The following ARHGEF19 variants were observed in gnomAD, a reference collection of about 807,000 sequenced individuals.
ARHGEF19 encodes Rho guanine nucleotide exchange factor 19, also known as Rho guanine nucleotide exchange factor (GEF) 19.
In ARHGEF19, 92 loss-of-function variants were observed where a neutral mutation model predicts 87.6. The observed-to-expected ratio is 1.05, with a 90% CI of 0.89 to 1.25. The LOEUF is 1.25. Among genes scored for constraint, ARHGEF19 ranks in the 50% most tolerant of loss-of-function variants. The probability of loss-of-function intolerance (pLI) is 0.00; values close to 1 mark genes in which losing one functional copy is unlikely to be tolerated. For synonymous variants in ARHGEF19, 438 were observed against 446.2 expected (o/e 0.98, Z 0.23); for missense variants, 1,054 against 1,051.8 (o/e 1.00, Z -0.03).
At chr1:16,211,794 A>G (rs1271635455) in intron 1 of ARHGEF19, among the ~76,000 whole-genome samples, 4 of 152,166 alleles carry the variant, frequency 2.6e-5, no homozygotes, top group Non-Finnish European at 5.9e-5. Context: ...AAAACAAACA[A>G]AAACCTCAGA....
Position 16,198,804 on chromosome 1 carries a change from G to A in ARHGEF19, c.2252-60C>T. 6.5e-7 allele frequency: 1 copy of A among 1,534,490 alleles called. No homozygotes were observed. The highest frequency in any genetic ancestry group is 8.8e-7 in the Non-Finnish European group (1 of 1,137,562). ...AGGGGTACCAGGGCCAGGCCTGGAA[G>A]GGAACACCACAGCCCTGATGCAAGC... On this transcript the variant is annotated intron_variant, in intron 15 of 15. Coordinates refer to ENST00000270747, the MANE Select transcript of ARHGEF19 (RefSeq NM_153213.5). This position sits in a 1 kb window ranked among gnomAD's most constrained non-coding sequence, Gnocchi z 4.1.
chr1:16,208,930 G>C lies in ARHGEF19; in HGVS notation c.125C>G (p.Pro42Arg). 1.9e-6 allele frequency: 3 copies of C among 1,584,450 alleles called. No individual in the cohort carries two copies. The highest frequency in any genetic ancestry group is 2.6e-6 in the Non-Finnish European group (3 of 1,166,758). The stretch of plus-strand genomic sequence containing the variant: ...AAGGTCCAGACACACTGGGCTCGGG[G>C]GCTTCAGGGCGGGCAGCTCTGCAAA... ...LSFAELPALK[P>R]PSPVCLDLFP... Residue 42 changes from proline (P) to arginine (R), a missense_variant, in exon 2 of 16, where the codon CCC becomes CGC. Physicochemically the swap from Pro to Arg is moderately radical, Grantham distance 103. Transcript: ENST00000270747.
At position 16,207,214 on chromosome 1, in the gene ARHGEF19, G is replaced by A. The variant is rs1160945460; in HGVS notation, c.875-4C>T. ...CTGTATTCCTGATAGAGGACGGCTGGGGGAAAGACGGGCGGGGGAGAGCGT... is the reference window on the plus strand; with the variant it reads ...CTGTATTCCTGATAGAGGACGGCTGAGGGAAAGACGGGCGGGGGAGAGCGT... On this transcript the variant is annotated splice_polypyrimidine_tract_variant and splice_region_variant and intron_variant, in intron 5 of 15. Transcript: ENST00000270747. The surrounding 1 kb of genome is among the most constrained non-coding windows in gnomAD (Gnocchi z 4.0). The A allele has an allele frequency of 6.6e-7, 1 of 1,510,952 alleles. No individual in the cohort carries two copies. The highest frequency in any genetic ancestry group is 8.8e-7 in the Non-Finnish European group (1 of 1,134,898). 93.6% of individuals were successfully genotyped at this position (1,510,952 alleles called of 1,614,324 possible). A position where few individuals can be genotyped will look rare whatever the true frequency, so the allele number is the denominator to read the frequency against.
In ARHGEF19 at chr1:16,205,296, T is replaced by C; in HGVS notation, c.1656+55A>G. 6.2e-7 allele frequency: 1 copy of C among 1,611,804 alleles called. No homozygotes were observed. The highest frequency in any genetic ancestry group is 2.2e-5 in the East Asian group (1 of 44,850). The stretch of plus-strand genomic sequence containing the variant: ...GCTGGGGGCTGTTTTAGAGACGTGC[T>C]GGGGGTCCAGGGGGGGCCTCAGGAG... On this transcript the variant is annotated intron_variant, in intron 10 of 15. Coordinates refer to ENST00000270747, the MANE Select transcript of ARHGEF19 (RefSeq NM_153213.5). The surrounding 1 kb of genome is among the most constrained non-coding windows in gnomAD (Gnocchi z 5.8).
At position 16,198,577 on chromosome 1, in the gene ARHGEF19, T is replaced by C; in HGVS notation, c.*10A>G. 4 of 1,599,954 alleles carry C rather than the reference T, an allele frequency of 2.5e-6. No homozygotes were observed. Among genetic ancestry groups the C allele is most frequent in the African/African-American group, 1.3e-5 (1 of 74,946 alleles). On this transcript the variant is annotated 3_prime_UTR_variant, in exon 16 of 16. Transcript: ENST00000270747. This position sits in a 1 kb window ranked among gnomAD's most constrained non-coding sequence, Gnocchi z 4.1. ...GGCATGGAGGTGGGGTCCTAGGCCA[T>C]GGCTGCCCATCACACAGGAGCCTCC...
chr1:16,206,485 C>G lies in ARHGEF19; in HGVS notation c.1138-145G>C. The G allele has an allele frequency of 1.2e-6, 1 of 832,364 alleles. No individual in the cohort carries two copies. Among genetic ancestry groups the G allele is most frequent in the Non-Finnish European group, 1.9e-6 (1 of 525,472 alleles). The allele number at this position is 832,364 out of a possible 1,614,324, so 51.6% of individuals were successfully genotyped here. A position where few individuals can be genotyped will look rare whatever the true frequency, so the allele number is the denominator to read the frequency against. On this transcript the variant is annotated intron_variant, in intron 6 of 15. Coordinates refer to ENST00000270747, the MANE Select transcript of ARHGEF19 (RefSeq NM_153213.5). The surrounding 1 kb of genome is among the most constrained non-coding windows in gnomAD (Gnocchi z 4.6). ...CTCCTAATCTGGCGCCGGGCGGGCC[C>G]GGCGACCCACGTCCCGCCGCGGGAA...
rs922605268 is a variant in ARHGEF19 at position 16,207,462 on chromosome 1, G to T, written c.874+60C>A. ...CAACTCTCCAAACCCTCTTTTCCCC[G>T]TTTCCACACCGCAGCCCCTTCCTCC... On this transcript the variant is annotated intron_variant, in intron 5 of 15. Transcript: ENST00000270747. The surrounding 1 kb of genome is among the most constrained non-coding windows in gnomAD (Gnocchi z 4.0). 2 of 1,593,332 alleles carry T rather than the reference G, an allele frequency of 1.3e-6. No individual in the cohort carries two copies. The highest frequency in any genetic ancestry group is 2.7e-5 in the African/African-American group (2 of 74,390).
At chr1:16,212,156 G>A (rs953043599) in intron 1 of ARHGEF19, among the ~76,000 whole-genome samples, 4 of 152,202 alleles carry the variant, frequency 2.6e-5, no homozygotes, top group African/African-American at 9.7e-5. Context: ...AAGACGATGG[G>A]CCCACTTAGC....
In ARHGEF19 at chr1:16,206,728, C is replaced by A. The variant is rs914224545; in HGVS notation, c.1137+220G>T. Reference sequence around the variant, plus strand: ...CCGCTGGCTCCGCCCCCTACCCGCACCCAAGCCCGGCTCCCCTCGCCTCTC... The same window carrying A: ...CCGCTGGCTCCGCCCCCTACCCGCAACCAAGCCCGGCTCCCCTCGCCTCTC... On this transcript the variant is annotated intron_variant, in intron 6 of 15. Coordinates refer to ENST00000270747, the MANE Select transcript of ARHGEF19 (RefSeq NM_153213.5). The surrounding 1 kb of genome is among the most constrained non-coding windows in gnomAD (Gnocchi z 4.6). Among the ~76,000 whole-genome samples, 1 of 152,000 alleles carries A rather than the reference C, an allele frequency of 6.6e-6. No homozygotes were observed. Among genetic ancestry groups the A allele is most frequent in the Admixed American group, 6.5e-5 (1 of 15,272 alleles).
rs1482516851 is a variant in ARHGEF19 at position 16,206,607 on chromosome 1, C to T, written c.1138-267G>A. On this transcript the variant is annotated intron_variant, in intron 6 of 15. Transcript: ENST00000270747. This position sits in a 1 kb window ranked among gnomAD's most constrained non-coding sequence, Gnocchi z 4.6. Reference sequence around the variant, plus strand: ...CCCCGCCCACCCCCCAGGTCCCGCCCCTGATCCTGGCCCCGCCTTGTTCCG... The same window carrying T: ...CCCCGCCCACCCCCCAGGTCCCGCCTCTGATCCTGGCCCCGCCTTGTTCCG... The T allele has an allele frequency of 4.4e-5, 24 of 539,826 alleles. No homozygotes were observed. In the Admixed American group the frequency reaches 6.4e-4, roughly 14 times the overall value. The allele number at this position is 539,826 out of a possible 1,614,324, so 33.4% of individuals were successfully genotyped here.
Position 16,207,045 on chromosome 1 carries a change from G to T in ARHGEF19, c.1040C>A (p.Ala347Glu). ...CCACAGCGAGAAGGTGGAGCCTCGC[G>T]CCGAGCGCTGCGCCCGGAAGGAGCT... is the stretch of plus-strand genomic sequence containing the variant. The part of the protein sequence containing the change: ...PSSSFRAQRS[A>E]RGSTFSLWQD... Residue 347 changes from alanine (A) to glutamate (E), a missense_variant, in exon 6 of 16, where the codon GCG (alanine) becomes GAG (glutamate). Ala to Glu is a moderately radical substitution (Grantham distance 107). Coordinates refer to ENST00000270747, the MANE Select transcript of ARHGEF19 (RefSeq NM_153213.5). This position sits in a 1 kb window ranked among gnomAD's most constrained non-coding sequence, Gnocchi z 4.0. 1.3e-6 allele frequency: 2 copies of T among 1,508,124 alleles called. No homozygotes were observed. Among genetic ancestry groups the T allele is most frequent in the Non-Finnish European group, 8.8e-7 (1 of 1,131,266 alleles). The allele number at this position is 1,508,124 out of a possible 1,614,324, so 93.4% of individuals were successfully genotyped here. A position where few individuals can be genotyped will look rare whatever the true frequency, so the allele number is the denominator to read the frequency against.
At position 16,205,696 on chromosome 1, in the gene ARHGEF19, C is replaced by T. The variant is rs2081124963; in HGVS notation, c.1452-29G>A. The T allele has an allele frequency of 6.3e-7, 1 of 1,582,866 alleles. No individual in the cohort carries two copies. Among genetic ancestry groups the T allele is most frequent in the Admixed American group, 1.9e-5 (1 of 52,570 alleles). On this transcript the variant is annotated intron_variant, in intron 8 of 15. Transcript: ENST00000270747. The surrounding 1 kb of genome is among the most constrained non-coding windows in gnomAD (Gnocchi z 5.8). ...GAAAATGGGGAGGACTCTGGAATCACAGGTAGGCCTGAATTCCTGGGATCC... is the reference window on the plus strand; with the variant it reads ...GAAAATGGGGAGGACTCTGGAATCATAGGTAGGCCTGAATTCCTGGGATCC...
chr1:16,198,080 TCAGATGGATCA>T lies in ARHGEF19; in HGVS notation c.*496_*506del, dbSNP rs2081055927. 1 of 152,296 alleles carries T rather than the reference TCAGATGGATCA, an allele frequency of 6.6e-6. No individual in the cohort carries two copies. Among genetic ancestry groups the T allele is most frequent in the South Asian group, 2.1e-4 (1 of 4,824 alleles). The allele number at this position is 152,296 out of a possible 1,614,324, so 9.4% of individuals were successfully genotyped here. A position where few individuals can be genotyped will look rare whatever the true frequency, so the allele number is the denominator to read the frequency against. ...TAGGACTGTGGGGGTGGGGGCAGCA[TCAGATGGATCA>T]CAGACTCCAAGCAAAGGCATGATAG... On this transcript the variant is annotated 3_prime_UTR_variant, in exon 16 of 16. Transcript: ENST00000270747. The surrounding 1 kb of genome is among the most constrained non-coding windows in gnomAD (Gnocchi z 4.1).
chr1:16,208,971 C>A lies in ARHGEF19; in HGVS notation c.84G>T (p.Gln28His). Residue 28 changes from glutamine to histidine, a missense_variant, in exon 2 of 16, where the codon CAG (glutamine) becomes CAT (histidine). By Grantham distance (24) the Gln-to-His change is conservative. Coordinates refer to ENST00000270747, the MANE Select transcript of ARHGEF19 (RefSeq NM_153213.5). ...GTAHHPVAVC[Q>H]QESLSFAELP... The stretch of plus-strand genomic sequence containing the variant: ...GCTCTGCAAAGGACAGACTCTCCTG[C>A]TGGCACACTGCTACAGGGTGGTGGG... 1 of 1,552,640 alleles carries A rather than the reference C, an allele frequency of 6.4e-7. No homozygotes were observed.
At position 16,206,590 on chromosome 1, in the gene ARHGEF19, A is replaced by C. The variant is rs912094344; in HGVS notation, c.1138-250T>G. The C allele has an allele frequency of 8.6e-4, 241 of 281,856 alleles. No homozygotes were observed. The highest frequency in any genetic ancestry group is 1.7e-3 in the African/African-American group (39 of 23,378). 17.5% of individuals were successfully genotyped at this position (281,856 alleles called of 1,614,324 possible). ...ACGCGTTCTTCCCAGAGCCCCGCCC[A>C]CCCCCCAGGTCCCGCCCCTGATCCT... On this transcript the variant is annotated intron_variant, in intron 6 of 15. Coordinates refer to ENST00000270747, the MANE Select transcript of ARHGEF19 (RefSeq NM_153213.5). This position sits in a 1 kb window ranked among gnomAD's most constrained non-coding sequence, Gnocchi z 4.6.
At chr1:16,208,273 ACCTCCTC>A in intron 2 of ARHGEF19, 48 bp from the exon 3 acceptor site, 1 of 1,581,038 alleles carries the variant, frequency 6.3e-7, no homozygotes, top group Non-Finnish European at 8.6e-7. Context: ...GTCTCCCCCA[ACCTCCTC>A]CCTGCTGCTG....
At position 16,207,865 on chromosome 1, in the gene ARHGEF19, G is replaced by A; in HGVS notation, c.694+79C>T. On this transcript the variant is annotated intron_variant, in intron 3 of 15. Coordinates refer to ENST00000270747, the MANE Select transcript of ARHGEF19 (RefSeq NM_153213.5). This position sits in a 1 kb window ranked among gnomAD's most constrained non-coding sequence, Gnocchi z 4.0. ...CCCAGGCACCCTGACGGCCTCAGGC[G>A]GCCGGTGAGTGGGCATCGCCCACCC... The A allele has an allele frequency of 6.3e-7, 1 of 1,584,668 alleles. No homozygotes were observed. The highest frequency in any genetic ancestry group is 8.6e-7 in the Non-Finnish European group (1 of 1,166,340).
chr1:16,206,909 G>A lies in ARHGEF19; in HGVS notation c.1137+39C>T. 7.4e-7 allele frequency: 1 copy of A among 1,350,546 alleles called. No homozygotes were observed. Among genetic ancestry groups the A allele is most frequent in the Non-Finnish European group, 9.5e-7 (1 of 1,056,338 alleles). The allele number at this position is 1,350,546 out of a possible 1,614,324, so 83.7% of individuals were successfully genotyped here. On this transcript the variant is annotated intron_variant, in intron 6 of 15. Coordinates refer to ENST00000270747, the MANE Select transcript of ARHGEF19 (RefSeq NM_153213.5). The surrounding 1 kb of genome is among the most constrained non-coding windows in gnomAD (Gnocchi z 4.6). ...TAAGTCCCCGGACCGCGTACTCCCC[G>A]GCCCGCCCCCGCCCCGCCGGGTCCC...
chr1:16,206,233 C>T lies in ARHGEF19; in HGVS notation c.1245G>A (p.Gln415=). 1 of 1,597,082 alleles carries T rather than the reference C, an allele frequency of 6.3e-7. No individual in the cohort carries two copies. The highest frequency in any genetic ancestry group is 1.1e-5 in the South Asian group (1 of 87,950). ...SAELSECLGA[Q]DKQWLFSKLP... is the part of the protein sequence containing the mutation. Reference sequence around the variant, plus strand: ...GTTTGGAAAACAGCCACTGCTTGTCCTGCGCCCCCAGACACTCGCTCAGCT... The same window carrying T: ...GTTTGGAAAACAGCCACTGCTTGTCTTGCGCCCCCAGACACTCGCTCAGCT... Residue 415 remains glutamine, a synonymous_variant, in exon 7 of 16, where the codon CAG becomes CAA. Transcript: ENST00000270747. The surrounding 1 kb of genome is among the most constrained non-coding windows in gnomAD (Gnocchi z 4.6).
Sources: gnomAD v4.1 joint callset for allele counts (sites outside exome capture counted in the v4.1 genomes callset) on GRCh38, gnomAD v4.1.1 for gene constraint, Gnocchi (gnomAD v3.1) non-coding constraint, MANE v1.5 for transcripts, NCBI Gene and HGNC (gene_info 2026-07-23, HGNC 2026-07-21) for gene names.